Variants in SNX15 observed in about 807,000 individuals in gnomAD.
SNX15 encodes sorting nexin-15.
SNX15 carries 29 observed loss-of-function variants against 35.2 expected under a neutral mutation model. The observed-to-expected ratio is 0.82, with a 90% confidence interval of 0.61 to 1.12. The LOEUF (loss-of-function observed/expected upper bound fraction) is 1.12, where lower values mean the gene tolerates loss of function less well. Ranked by LOEUF, SNX15 falls within the 50% of genes most tolerant of loss-of-function variation. The pLI, the probability that SNX15 is intolerant of heterozygous loss-of-function variation, is 0.00. For missense variants in SNX15, 400 were observed against 451.5 expected, an observed-to-expected ratio of 0.89 and a Z score of 1.03; for synonymous variants, 189 against 188.2, an observed-to-expected ratio of 1.00 and a Z score of -0.03.
intron 1 of SNX15, among the ~76,000 whole-genome samples, chr11:65,029,796 C>T (rs2136926301): frequency 6.6e-6 from 1 of 152,000 alleles, no homozygotes; most frequent in South Asian, 2.1e-4. Context: ...AGGCTGGTCT[C>T]GAACTCCTGA....
Position 65,039,692 on chromosome 11 carries a change from CGT to C in SNX15, c.930_931del (p.Leu311AlafsTer13). On this transcript the variant is annotated frameshift_variant, in exon 8 of 8. Coordinates refer to ENST00000377244, the MANE Select transcript of SNX15 (RefSeq NM_013306.5). LOFTEE classifies it high-confidence loss of function. ...GAGCATTCTCTCTCCACAGGTGACC[CGT>C]TGCCTGCCCGCCAGGAAGGTGTGAA... The C allele has an allele frequency of 6.2e-7, 1 of 1,612,146 alleles. No homozygotes were observed. The highest frequency in any genetic ancestry group is 8.5e-7 in the Non-Finnish European group (1 of 1,178,946).
rs747153458 is a variant in SNX15, at chr11:65,039,029, C to CTTTTTTTTTT, written c.922+210_922+219dup. Among the ~76,000 whole-genome samples, 90 of 72,488 alleles carry CTTTTTTTTTT rather than the reference C, an allele frequency of 1.2e-3. 17 individuals carry two copies. The highest frequency in any genetic ancestry group is 2.3e-3 in the Non-Finnish European group (73 of 32,222). The allele number at this position is 72,488 out of a possible 152,430, so 47.6% of individuals were successfully genotyped here. ...TTGTGGCCTCAGTTTTCTTCTTCCT[C>CTTTTTTTTTT]TTTTTTTTTTTTTTTTTTTGAGACA... On this transcript the variant is annotated intron_variant, in intron 7 of 7. Coordinates refer to ENST00000377244, the MANE Select transcript of SNX15 (RefSeq NM_013306.5).
Position 65,035,109 on chromosome 11 carries a change from G to A in SNX15, c.423G>A (p.Leu141=). 6.2e-7 allele frequency: 1 copy of A among 1,611,348 alleles called. No individual in the cohort carries two copies. The highest frequency in any genetic ancestry group is 1.3e-5 in the African/African-American group (1 of 74,898). Residue 141 remains leucine, a synonymous_variant, in exon 5 of 8, where the codon CTG becomes CTA. Transcript: ENST00000377244. ...PLEVSRDLHI[L]PPPLIPTPPP... The stretch of plus-strand genomic sequence containing the variant: ...AGGTGTCCAGGGACCTACACATCCT[G>A]CCACCCCCTCTGATCCCCACCCCGC...
At position 65,038,848 on chromosome 11, in the gene SNX15, T is replaced by TGG. The variant is rs773600517; in HGVS notation, c.922+20_922+21dup. On this transcript the variant is annotated intron_variant, in intron 7 of 7. Coordinates refer to ENST00000377244, the MANE Select transcript of SNX15 (RefSeq NM_013306.5). ...GTCCCCAGTGAGTAGGGACTGAGGG[T>TGG]GGAGGGTCAGGCCTGGGTCCCAGGT... 15 of 1,541,448 alleles carry TGG rather than the reference T, an allele frequency of 9.7e-6. No individual in the cohort carries two copies. Among genetic ancestry groups the TGG allele is most frequent in the Non-Finnish European group, 1.3e-5 (15 of 1,141,274 alleles).
intron 1 of SNX15, among the ~76,000 whole-genome samples, chr11:65,030,039 C>G (rs1040221090): frequency 6.6e-6 from 1 of 152,134 alleles, no homozygotes; most frequent in African/African-American, 2.4e-5. Context: ...AAGCATGTAC[C>G]ACTACGCCTA....
rs1487297607 is a variant in SNX15 at position 65,032,473 on chromosome 11, G to A, written c.178G>A (p.Gly60Arg). ...KRYSDFRKLH[G>R]DLAYTHRNLF... Reference sequence around the variant, plus strand: ...GTACAGCGACTTCCGCAAGCTGCATGGAGACCTGGCCTACACCCACCGCAA... The same window carrying A: ...GTACAGCGACTTCCGCAAGCTGCATAGAGACCTGGCCTACACCCACCGCAA... The change falls in exon 3 of 8, where the codon GGA (glycine) becomes AGA (arginine). Residue 60 changes from glycine (G) to arginine (R), a missense_variant. By Grantham distance (125) the Gly-to-Arg change is moderately radical. Transcript: ENST00000377244. 2 of 1,614,046 alleles carry A rather than the reference G, an allele frequency of 1.2e-6. No individual in the cohort carries two copies. Among genetic ancestry groups the A allele is most frequent in the African/African-American group, 1.3e-5 (1 of 74,924 alleles).
At chr11:65,039,165 A>T in intron 7 of SNX15, among the ~76,000 whole-genome samples, 1 of 147,120 alleles carries the variant, frequency 6.8e-6, no homozygotes, top group Non-Finnish European at 1.5e-5. Context: ...CTGGGATTAC[A>T]GGCGCCCACC....
chr11:65,034,815 C>T lies in SNX15; in HGVS notation c.257-32C>T, dbSNP rs114647790. 1.8e-3 allele frequency: 2,905 copies of T among 1,574,260 alleles called. 34 individuals are homozygous for T. In the African/African-American group the frequency reaches 0.034, roughly 18 times the overall value. On this transcript the variant is annotated intron_variant, in intron 3 of 7. Transcript: ENST00000377244. ...CAGAAGCCCCTGTGGGTCACCGCCA[C>T]TCTCCCCTGTTCCTTGTCCTGGGGG...
chr11:65,039,501 C>T (rs1052742976), intron 7 of SNX15, among the ~76,000 whole-genome samples, 185 bp from the exon 8 acceptor site: 3 of 152,192 alleles, frequency 2.0e-5, no homozygotes, highest in Non-Finnish European at 4.4e-5. Context: ...GGATTACAGG[C>T]GTGAGCCACC....
At chr11:65,032,367 C>G in intron 2 of SNX15, 64 bp from the exon 3 acceptor site, 1 of 1,611,826 alleles carries the variant, frequency 6.2e-7, no homozygotes, top group South Asian at 1.1e-5. Context: ...TGGGGGCAGG[C>G]TAGGCATGGG....
chr11:65,028,392 C>CTAT (rs2136923355), intron 1 of SNX15, among the ~76,000 whole-genome samples: 2 of 152,316 alleles, frequency 1.3e-5, no homozygotes, highest in Admixed American at 1.3e-4. Flanking sequence ...AACCAGGCGA[C>CTAT]TATTAAGCTG....
At chr11:65,031,622 G>T (rs1946440289) in intron 1 of SNX15, among the ~76,000 whole-genome samples, 1 of 152,228 alleles carries the variant, frequency 6.6e-6, no homozygotes, top group African/African-American at 2.4e-5. Context: ...TAAAAATTGG[G>T]CTGATGGCCG....
chr11:65,032,589 G>A (rs756216822), intron 3 of SNX15, 38 bp downstream of exon 3: 2 of 1,613,152 alleles, frequency 1.2e-6, no homozygotes, highest in South Asian at 2.2e-5. Context: ...CAAAGATGGA[G>A]GGAGCATTGG....
rs542416850 is a variant in SNX15 at position 65,033,851 on chromosome 11, T to G, written c.257-996T>G. On this transcript the variant is annotated intron_variant, in intron 3 of 7. Coordinates refer to ENST00000377244, the MANE Select transcript of SNX15 (RefSeq NM_013306.5). ...CCAAATAGCCAAGTAGCCACCCAAG[T>G]AGTGTGCGCCACCACACCTAATTTT... 5.3e-5 allele frequency among the ~76,000 whole-genome samples: 8 copies of G among 151,952 alleles called. No homozygotes were observed. The South Asian group carries it at 1.7e-3, about 32-fold the overall frequency.
chr11:65,039,316 C>T (rs1946547214), intron 7 of SNX15, among the ~76,000 whole-genome samples: 1 of 152,002 alleles, frequency 6.6e-6, no homozygotes, highest in Non-Finnish European at 1.5e-5. Flanking sequence ...CTCCACCTCC[C>T]AGGTTCAAGC....
rs1946384175 is a variant in SNX15 at position 65,027,484 on chromosome 11, T to TGGGGACGGCGAGGAGGTG, written c.-52_-35dup. ...GCGGGCGGAGGCTGGGCCGGAGGGG[T>TGGGGACGGCGAGGAGGTG]GGGGACGGCGAGGAGGTGGAGGCCG... On this transcript the variant is annotated 5_prime_UTR_variant, in exon 1 of 8. Transcript: ENST00000377244. The TGGGGACGGCGAGGAGGTG allele has an allele frequency of 1.4e-6, 2 of 1,424,798 alleles. No homozygotes were observed. The highest frequency in any genetic ancestry group is 2.3e-5 in the East Asian group (1 of 43,488). The allele number at this position is 1,424,798 out of a possible 1,614,324, so 88.3% of individuals were successfully genotyped here. A position where few individuals can be genotyped will look rare whatever the true frequency, so the allele number is the denominator to read the frequency against.
intron 1 of SNX15, among the ~76,000 whole-genome samples, chr11:65,030,430 C>T (rs570499441): frequency 6.7e-6 from 1 of 149,722 alleles, no homozygotes; most frequent in East Asian, 1.9e-4. Flanking sequence ...TGGCCTCAAG[C>T]AATCCTCCCA....
At chr11:65,037,143 C>G (rs1565200380) in intron 6 of SNX15, 1 of 152,212 alleles carries the variant, frequency 6.6e-6, no homozygotes, top group Non-Finnish European at 1.5e-5. Flanking sequence ...CCAGCTGAGT[C>G]CCTGCTGGGC....
In SNX15 at chr11:65,035,196, G is replaced by C. The variant is rs1483328824; in HGVS notation, c.510G>C (p.Leu170Phe). The C allele has an allele frequency of 6.4e-7, 1 of 1,574,796 alleles. No individual in the cohort carries two copies. Among genetic ancestry groups the C allele is most frequent in the Non-Finnish European group, 8.6e-7 (1 of 1,161,700 alleles). ...LPAERRGLEE[L>F]EVPVDPPPSS... ...CAGAAAGGAGGGGCCTCGAGGAATT[G>C]GAGGTGCCAGGTACATCGGGGTGGG... Residue 170 changes from leucine to phenylalanine, a missense_variant, in exon 5 of 8, where the codon TTG becomes TTC. Coordinates refer to ENST00000377244, the MANE Select transcript of SNX15 (RefSeq NM_013306.5).
Sources: allele counts gnomAD v4.1 joint callset (sites outside exome capture counted in the v4.1 genomes callset), GRCh38; gene constraint gnomAD v4.1.1; transcripts MANE v1.5; gene names NCBI Gene and HGNC (gene_info 2026-07-23, HGNC 2026-07-21).